PTPRT: variants seen among roughly 807,000 people sequenced by gnomAD.
PTPRT encodes the protein receptor-type tyrosine-protein phosphatase T.
Under a neutral mutation model 176.8 loss-of-function variants are expected in PTPRT, and 56 were observed. The ratio of observed to expected loss-of-function variants is 0.32; its 90% CI spans 0.26 to 0.40. PTPRT has a LOEUF of 0.40. Among genes scored for constraint, PTPRT ranks in the 10% least tolerant of loss-of-function variants. The probability of loss-of-function intolerance (pLI) is 1.00; values close to 1 mark genes in which losing one functional copy is unlikely to be tolerated. For synonymous variants in PTPRT, 783 were observed against 739.0 expected (o/e 1.06, Z -0.96); for missense variants, 1,540 against 1,908.2 (o/e 0.81, Z 3.60).
At chr20:42,321,135 C>G (rs563766101) in intron 11 of PTPRT, among the ~76,000 whole-genome samples, 18 of 152,166 alleles carry the variant, frequency 1.2e-4, no homozygotes, top group Non-Finnish European at 1.6e-4. Context: ...CTGAGAGATA[C>G]GGTAATCTCT....
At chr20:42,165,467 C>T (rs772834121) in intron 16 of PTPRT, among the ~76,000 whole-genome samples, 70 of 152,240 alleles carry the variant, frequency 4.6e-4, no homozygotes, top group Non-Finnish European at 8.5e-4. Flanking sequence ...AAGGATGTGC[C>T]ATGGGGTTTG....
intron 1 of PTPRT, among the ~76,000 whole-genome samples, chr20:42,934,635 T>G (rs1168701087): frequency 6.6e-6 from 1 of 152,208 alleles, no homozygotes; most frequent in Non-Finnish European, 1.5e-5. Context: ...ATATTAGCTC[T>G]GAACTATTGA....
chr20:42,746,412 G>C (rs757120514), intron 6 of PTPRT, among the ~76,000 whole-genome samples: 13 of 151,934 alleles, frequency 8.6e-5, no homozygotes, highest in Non-Finnish European at 1.6e-4. Flanking sequence ...GGGGAATGAT[G>C]AGGAGAAGCA....
chr20:42,545,643 C>G (rs1241109671), intron 7 of PTPRT, among the ~76,000 whole-genome samples: 1 of 152,124 alleles, frequency 6.6e-6, no homozygotes, highest in Non-Finnish European at 1.5e-5. Context: ...AAAAGAGAAC[C>G]AATCTTGATT....
At chr20:42,179,803 G>A (rs895577882) in intron 16 of PTPRT, among the ~76,000 whole-genome samples, 6 of 152,172 alleles carry the variant, frequency 3.9e-5, no homozygotes, top group Non-Finnish European at 8.8e-5. Context: ...TAGGTGTACC[G>A]GAATCTGGGG....
chr20:42,826,111 A>G (rs1600797490), intron 2 of PTPRT, among the ~76,000 whole-genome samples: 1 of 152,040 alleles, frequency 6.6e-6, no homozygotes, highest in Non-Finnish European at 1.5e-5. Flanking sequence ...TATAGCTTCA[A>G]GGATTCTGTG....
At chr20:42,219,942 G>A (rs2055847697) in intron 15 of PTPRT, among the ~76,000 whole-genome samples, 1 of 152,012 alleles carries the variant, frequency 6.6e-6, no homozygotes, top group African/African-American at 2.4e-5. Context: ...ACCTGGCCTG[G>A]GTCAGCCTAA....
chr20:42,847,791 G>A (rs1019171806), intron 2 of PTPRT, among the ~76,000 whole-genome samples: 3 of 152,180 alleles, frequency 2.0e-5, no homozygotes, highest in Admixed American at 2.0e-4. Context: ...CAATGACAGG[G>A]CAAGAGGCAG....
chr20:42,133,062 A>G (rs1988198311), intron 18 of PTPRT, among the ~76,000 whole-genome samples: 1 of 152,216 alleles, frequency 6.6e-6, no homozygotes, highest in Non-Finnish European at 1.5e-5. Flanking sequence ...GAGTACACAT[A>G]TAAACGTTCT....
intron 9 of PTPRT, among the ~76,000 whole-genome samples, chr20:42,399,523 C>A (rs1311652074): frequency 3.3e-5 from 5 of 152,186 alleles, no homozygotes; most frequent in African/African-American, 1.2e-4. Context: ...AATACACTTA[C>A]TCCTAGAGCC....
chr20:42,040,325 A>G, the PTPRT span, among the ~76,000 whole-genome samples: 1 of 152,052 alleles, frequency 6.6e-6, no homozygotes, highest in Non-Finnish European at 1.5e-5. Flanking sequence ...GAGGAGAAGG[A>G]GGTTAGATTG....
chr20:42,541,282 T>C (rs1029589120), intron 7 of PTPRT, among the ~76,000 whole-genome samples: 2 of 152,026 alleles, frequency 1.3e-5, no homozygotes, highest in African/African-American at 2.4e-5. Flanking sequence ...ATGATGAGCA[T>C]TACATGGGGT....
intron 1 of PTPRT, among the ~76,000 whole-genome samples, chr20:42,903,136 G>A (rs1347267931): frequency 1.3e-5 from 2 of 152,194 alleles, no homozygotes; most frequent in African/African-American, 4.8e-5. Flanking sequence ...TATGGAAATG[G>A]ATCCTTATTG....
At chr20:42,326,780 T>A (rs1392167447) in intron 11 of PTPRT, among the ~76,000 whole-genome samples, 1 of 152,170 alleles carries the variant, frequency 6.6e-6, no homozygotes, top group African/African-American at 2.4e-5. Flanking sequence ...TCATATATTG[T>A]AAAAATGTCA....
intron 17 of PTPRT, among the ~76,000 whole-genome samples, chr20:42,153,727 C>A (rs1226716025): frequency 6.6e-6 from 1 of 152,200 alleles, no homozygotes; most frequent in Non-Finnish European, 1.5e-5. Context: ...ACACGTGTCT[C>A]CATGGTCATG....
At chr20:43,173,624 T>C (rs2015056658) in intron 1 of PTPRT, among the ~76,000 whole-genome samples, 1 of 152,174 alleles carries the variant, frequency 6.6e-6, no homozygotes, top group Non-Finnish European at 1.5e-5. Flanking sequence ...GCCCCAGAGG[T>C]CCAAAGTCCA....
At chr20:42,615,349 C>T (rs1279892609) in intron 7 of PTPRT, among the ~76,000 whole-genome samples, 3 of 134,080 alleles carry the variant, frequency 2.2e-5, no homozygotes, top group South Asian at 2.3e-4. Context: ...TTGGACATTT[C>T]GGTTGGTTCC....
At chr20:42,622,456 G>A (rs2145861837) in intron 7 of PTPRT, among the ~76,000 whole-genome samples, 1 of 152,128 alleles carries the variant, frequency 6.6e-6, no homozygotes, top group African/African-American at 2.4e-5. Context: ...TAGCCAGGAT[G>A]GTCTCAATCT....
chr20:43,111,219 T>C (rs1022646172), intron 1 of PTPRT, among the ~76,000 whole-genome samples: 1 of 152,080 alleles, frequency 6.6e-6, no homozygotes. Flanking sequence ...TCTCTGTTCA[T>C]ACTACTGTGT....
Sources: allele counts gnomAD v4.1 joint callset (sites outside exome capture counted in the v4.1 genomes callset), GRCh38; gene constraint gnomAD v4.1.1; transcripts MANE v1.5; gene names NCBI Gene and HGNC (gene_info 2026-07-23, HGNC 2026-07-21).